VEGFA: variants seen among roughly 807,000 people sequenced by gnomAD.
VEGFA encodes the protein vascular endothelial growth factor A.
In VEGFA, 20 loss-of-function variants were observed where a neutral mutation model predicts 49.7. The ratio of observed to expected loss-of-function variants is 0.40; its 90% CI spans 0.28 to 0.58. The LOEUF is 0.58. Ranked by LOEUF, VEGFA falls within the 20% of genes least tolerant of loss-of-function variation. The probability of loss-of-function intolerance (pLI) is 0.40; values close to 1 mark genes in which losing one functional copy is unlikely to be tolerated. For missense variants in VEGFA, 505 were observed against 553.5 expected, an observed-to-expected ratio of 0.91 and a Z score of 0.88; for synonymous variants, 219 against 223.4, an observed-to-expected ratio of 0.98 and a Z score of 0.18.
chr6:43,771,152 T>G lies in VEGFA; in HGVS notation c.446T>G (p.Val149Gly), dbSNP rs1341479209. The G allele has an allele frequency of 6.5e-7, 1 of 1,527,776 alleles. No homozygotes were observed. The highest frequency in any genetic ancestry group is 1.2e-5 in the South Asian group (1 of 83,774). The allele number at this position is 1,527,776 out of a possible 1,614,324, so 94.6% of individuals were successfully genotyped here. A position where few individuals can be genotyped will look rare whatever the true frequency, so the allele number is the denominator to read the frequency against. ...CGGGCCTCGGGCCGGGGAGGAAGAG[T>G]AGCTCGCCGAGGCGCCGAGGAGAGC... The change falls in exon 1 of 8, where the codon GTA (valine) becomes GGA (glycine). Residue 149 changes from valine (V) to glycine (G), a missense_variant. Coordinates refer to ENST00000672860, the MANE Select transcript of VEGFA (RefSeq NM_003376.6).
chr6:43,776,797 G>C (rs904898327), intron 2 of VEGFA: 7 of 160,204 alleles, frequency 4.4e-5, no homozygotes, highest in African/African-American at 1.4e-4. Flanking sequence ...CCTAATATAG[G>C]CTTGGGAACA....
chr6:43,770,477 T>A lies in VEGFA; in HGVS notation c.-230T>A. On this transcript the variant is annotated 5_prime_UTR_variant, in exon 1 of 8. The change creates a new upstream start codon in the 5' untranslated region. Transcript: ENST00000672860. ...GAATCGGGCCGACGGCTTGGGGAGA[T>A]TGCTCTACTTCCCCAAATCACTGTG... 1 of 941,724 alleles carries A rather than the reference T, an allele frequency of 1.1e-6. No homozygotes were observed. Among genetic ancestry groups the A allele is most frequent in the Non-Finnish European group, 1.4e-6 (1 of 711,774 alleles). 58.3% of individuals were successfully genotyped at this position (941,724 alleles called of 1,614,324 possible).
chr6:43,785,577 C>A lies in VEGFA; in HGVS notation c.*1015C>A, dbSNP rs950374975. 1 of 208,672 alleles carries A rather than the reference C, an allele frequency of 4.8e-6. No homozygotes were observed. The highest frequency in any genetic ancestry group is 9.8e-6 in the Non-Finnish European group (1 of 102,454). The allele number at this position is 208,672 out of a possible 1,614,324, so 12.9% of individuals were successfully genotyped here. Reference sequence around the variant, plus strand: ...ACTCGCCCTCATCCTCTTCCTGCTCCCCTTCCTGGGGTGCAGCCTAAAAGG... The same window carrying A: ...ACTCGCCCTCATCCTCTTCCTGCTCACCTTCCTGGGGTGCAGCCTAAAAGG... On this transcript the variant is annotated 3_prime_UTR_variant, in exon 8 of 8. Coordinates refer to ENST00000672860, the MANE Select transcript of VEGFA (RefSeq NM_003376.6).
At chr6:43,774,115 G>T (rs750182404) in intron 1 of VEGFA, 18 of 603,142 alleles carry the variant, frequency 3.0e-5, no homozygotes, top group African/African-American at 5.5e-5. Flanking sequence ...CCCAACATCT[G>T]GTTAGTCTTT....
intron 7 of VEGFA, 150 bp from the exon 8 acceptor site, chr6:43,784,391 C>A (rs1013356627): frequency 1.2e-6 from 1 of 819,108 alleles, no homozygotes; most frequent in Non-Finnish European, 2.1e-6. Context: ...GGCTTTCTGC[C>A]CCAGGACCAC....
In VEGFA at chr6:43,774,389, G is replaced by A. The variant is rs1193943585; in HGVS notation, c.655G>A (p.Glu219Lys). The A allele has an allele frequency of 6.2e-6, 10 of 1,614,098 alleles. No homozygotes were observed. The highest frequency in any genetic ancestry group is 4.5e-5 in the East Asian group (2 of 44,888). ...AGAAGGAGGAGGGCAGAATCATCACGAAGGTGAGTCCCCCTGGCTGTTGGA... is the reference window on the plus strand; with the variant it reads ...AGAAGGAGGAGGGCAGAATCATCACAAAGGTGAGTCCCCCTGGCTGTTGGA... Residue 219 changes from glutamate to lysine, a missense_variant, in exon 2 of 8, where the codon GAA (glutamate) becomes AAA (lysine). Coordinates refer to ENST00000672860, the MANE Select transcript of VEGFA (RefSeq NM_003376.6).
At position 43,786,314 on chromosome 6, in the gene VEGFA, G is replaced by C. The variant is rs944700713; in HGVS notation, c.*1752G>C. The C allele has an allele frequency of 5.6e-6, 1 of 178,722 alleles. No individual in the cohort carries two copies. Among genetic ancestry groups the C allele is most frequent in the African/African-American group, 2.4e-5 (1 of 42,100 alleles). 11.1% of individuals were successfully genotyped at this position (178,722 alleles called of 1,614,324 possible). ...TTATCATTTATTTATTGGTGCTACT[G>C]TTTATCCGTAATAATTGTGGGGAAA... On this transcript the variant is annotated 3_prime_UTR_variant, in exon 8 of 8. Transcript: ENST00000672860.
Position 43,784,573 on chromosome 6 carries a change from AG to A in VEGFA, c.*13del, listed in dbSNP as rs769516531. The A allele has an allele frequency of 6.2e-7, 1 of 1,614,234 alleles. No individual in the cohort carries two copies. Among genetic ancestry groups the A allele is most frequent in the Non-Finnish European group, 8.5e-7 (1 of 1,180,040 alleles). Reference sequence around the variant, plus strand: ...AAGCCGAGGCGGTGAGCCGGGCAGGAGGAAGGAGCCTCCCTCAGGGTTTCGG... The same window carrying A: ...AAGCCGAGGCGGTGAGCCGGGCAGGAGAAGGAGCCTCCCTCAGGGTTTCGG... On this transcript the variant is annotated 3_prime_UTR_variant, in exon 8 of 8. Transcript: ENST00000672860.
Position 43,777,351 on chromosome 6 carries a change from G to T in VEGFA, c.659-118G>T. ...GTAGGAGGGACTTACGTTAGATTTT[G>T]GAAGGACTTGCCTGATTCGGAAGCT... On this transcript the variant is annotated intron_variant, in intron 2 of 7. Transcript: ENST00000672860. The surrounding 1 kb of genome is among the most constrained non-coding windows in gnomAD (Gnocchi z 4.3). 1.7e-6 allele frequency: 2 copies of T among 1,150,354 alleles called. No individual in the cohort carries two copies. Among genetic ancestry groups the T allele is most frequent in the Non-Finnish European group, 2.5e-6 (2 of 784,752 alleles). The allele number at this position is 1,150,354 out of a possible 1,614,324, so 71.3% of individuals were successfully genotyped here.
chr6:43,774,135 G>A, intron 1 of VEGFA: 1 of 621,066 alleles, frequency 1.6e-6, no homozygotes, highest in Non-Finnish European at 2.9e-6. Context: ...TAACTTCCTC[G>A]GGTTCATAAC....
rs1582543921 is a variant in VEGFA at position 43,784,608 on chromosome 6, T to C, written c.*46T>C. 1 of 1,614,076 alleles carries C rather than the reference T, an allele frequency of 6.2e-7. No individual in the cohort carries two copies. Among genetic ancestry groups the C allele is most frequent in the African/African-American group, 1.3e-5 (1 of 74,996 alleles). On this transcript the variant is annotated 3_prime_UTR_variant, in exon 8 of 8. Coordinates refer to ENST00000672860, the MANE Select transcript of VEGFA (RefSeq NM_003376.6). ...CTCCCTCAGGGTTTCGGGAACCAGA[T>C]CTCTCACCAGGAAAGACTGATACAG...
Position 43,777,866 on chromosome 6 carries a change from C to T in VEGFA, c.855+201C>T. On this transcript the variant is annotated intron_variant, in intron 3 of 7. Coordinates refer to ENST00000672860, the MANE Select transcript of VEGFA (RefSeq NM_003376.6). This position sits in a 1 kb window ranked among gnomAD's most constrained non-coding sequence, Gnocchi z 4.3. ...AGCCCAGGTTCCCAGCAAGCCCCAA[C>T]CATCTCCTTCTCCCTGATGGTTGCC... 1.6e-6 allele frequency: 1 copy of T among 622,758 alleles called. No individual in the cohort carries two copies. Among genetic ancestry groups the T allele is most frequent in the Non-Finnish European group, 2.8e-6 (1 of 357,160 alleles). 38.6% of individuals were successfully genotyped at this position (622,758 alleles called of 1,614,324 possible). A position where few individuals can be genotyped will look rare whatever the true frequency, so the allele number is the denominator to read the frequency against.
intron 2 of VEGFA, chr6:43,775,874 T>A (rs1436622180): frequency 6.6e-6 from 1 of 152,246 alleles, no homozygotes; most frequent in Non-Finnish European, 1.5e-5. Flanking sequence ...TCTTTCTGTT[T>A]TCACACCTGT....
intron 7 of VEGFA, chr6:43,782,382 T>C: frequency 2.4e-6 from 1 of 424,924 alleles, no homozygotes; most frequent in South Asian, 2.0e-5. Flanking sequence ...CTGTGTGTTG[T>C]GTCCTGTGGT....
rs770300127 is a variant in VEGFA, at chr6:43,784,654, C to T, written c.*92C>T. 1.6e-5 allele frequency: 25 copies of T among 1,601,564 alleles called. No individual in the cohort carries two copies. The highest frequency in any genetic ancestry group is 8.0e-5 in the African/African-American group (6 of 74,650). On this transcript the variant is annotated 3_prime_UTR_variant, in exon 8 of 8. Coordinates refer to ENST00000672860, the MANE Select transcript of VEGFA (RefSeq NM_003376.6). ...TACAGAACGATCGATACAGAAACCACGCTGCCGCCACCACACCATCACCAT... is the reference window on the plus strand; with the variant it reads ...TACAGAACGATCGATACAGAAACCATGCTGCCGCCACCACACCATCACCAT...
chr6:43,781,033 G>A (rs1256156179), intron 6 of VEGFA: 5 of 1,068,326 alleles, frequency 4.7e-6, no homozygotes, highest in Non-Finnish European at 5.4e-6. Flanking sequence ...GTGCCGACTT[G>A]GCCTGGAGGA....
At chr6:43,782,850 G>C (rs3025030) in intron 7 of VEGFA, 20,399 of 153,380 alleles carry the variant, frequency 0.13, 1,494 homozygotes, top group Admixed American at 0.18. Flanking sequence ...TAGCATCCAA[G>C]AATACTAGAT....
At position 43,785,750 on chromosome 6, in the gene VEGFA, A is replaced by AT. The variant is rs1286032880; in HGVS notation, c.*1190dup. On this transcript the variant is annotated 3_prime_UTR_variant, in exon 8 of 8. Transcript: ENST00000672860. ...GAGACAGGGCAGGATCCACGTGCCC[A>AT]TTGTGGAGGCAGAGAAAAGAGAAAG... is the stretch of plus-strand genomic sequence containing the variant. 1.0e-5 allele frequency: 2 copies of AT among 191,672 alleles called. No homozygotes were observed. The highest frequency in any genetic ancestry group is 4.7e-5 in the African/African-American group (2 of 42,918). The allele number at this position is 191,672 out of a possible 1,614,324, so 11.9% of individuals were successfully genotyped here.
In VEGFA at chr6:43,770,532, A is replaced by G; in HGVS notation, c.-175A>G. 7.8e-7 allele frequency: 1 copy of G among 1,287,490 alleles called. No individual in the cohort carries two copies. The highest frequency in any genetic ancestry group is 9.9e-7 in the Non-Finnish European group (1 of 1,014,892). 79.8% of individuals were successfully genotyped at this position (1,287,490 alleles called of 1,614,324 possible). On this transcript the variant is annotated 5_prime_UTR_variant, in exon 1 of 8. Transcript: ENST00000672860. ...TTGGAAACCAGCAGAAAGAGGAAAG[A>G]GGTAGCAAGAGCTCCAGAGAGAAGT...
Sources: gnomAD v4.1 joint callset for allele counts on GRCh38, gnomAD v4.1.1 for gene constraint, Gnocchi (gnomAD v3.1) non-coding constraint, MANE v1.5 for transcripts, NCBI Gene and HGNC (gene_info 2026-07-23, HGNC 2026-07-21) for gene names.